Variants in BDP1 observed in about 807,000 individuals in gnomAD.
BDP1 encodes the protein transcription factor TFIIIB component B'' homolog.
In BDP1, 169 loss-of-function variants were observed where a neutral mutation model predicts 266.6. The ratio of observed to expected loss-of-function variants is 0.63; its 90% CI spans 0.56 to 0.72. BDP1 has a LOEUF of 0.72. Among genes scored for constraint, BDP1 ranks in the 30% least tolerant of loss-of-function variants. BDP1 has a pLI of 0.00. For synonymous variants in BDP1, 1,090 were observed against 1,022.4 expected, an observed-to-expected ratio of 1.07 and a Z score of -1.26; for missense variants, 3,015 against 3,053.8, an observed-to-expected ratio of 0.99 and a Z score of 0.30.
At chr5:71,492,074 G>A (rs928232434) in intron 11 of BDP1, among the ~76,000 whole-genome samples, 2 of 152,132 alleles carry the variant, frequency 1.3e-5, no homozygotes, top group Non-Finnish European at 2.9e-5. Flanking sequence ...TGTCCTCAAG[G>A]TTCATCCATG....
chr5:71,474,595 C>T (rs1580006125), intron 7 of BDP1, among the ~76,000 whole-genome samples: 1 of 150,956 alleles, frequency 6.6e-6, no homozygotes, highest in East Asian at 2.0e-4. Context: ...CGCCTGTAAT[C>T]CTAGCACTTT....
Position 71,524,158 on chromosome 5 carries a change from G to T in BDP1, c.5607G>T (p.Arg1869=), listed in dbSNP as rs370542639. ...CCAAGGCCATGCTGGTGACTCTTCGGGCTTCCCAGGAAGAAGATGATGATG... is the reference window on the plus strand; with the variant it reads ...CCAAGGCCATGCTGGTGACTCTTCGTGCTTCCCAGGAAGAAGATGATGATG... ...RASKAMLVTL[R]ASQEEDDDAD... Residue 1869 remains arginine (R), a synonymous_variant, in exon 25 of 39, where the codon CGG becomes CGT. Coordinates refer to ENST00000358731, the MANE Select transcript of BDP1 (RefSeq NM_018429.3). 1 of 1,614,118 alleles carries T rather than the reference G, an allele frequency of 6.2e-7. No homozygotes were observed. The highest frequency in any genetic ancestry group is 1.1e-5 in the South Asian group (1 of 91,068).
intron 7 of BDP1, among the ~76,000 whole-genome samples, chr5:71,481,360 G>T (rs951243309): frequency 6.4e-5 from 8 of 125,662 alleles, no homozygotes; most frequent in African/African-American, 2.4e-4. Flanking sequence ...AACCCAGACT[G>T]AGCAACATGG....
intron 38 of BDP1, 126 bp downstream of exon 38, chr5:71,562,646 C>A: frequency 6.8e-7 from 1 of 1,476,104 alleles, no homozygotes; most frequent in Middle Eastern, 1.8e-4. Flanking sequence ...CAACTCCCAT[C>A]CTTCTCTCCA....
intron 14 of BDP1, 125 bp from the exon 15 acceptor site, chr5:71,502,474 G>A (rs962456218): frequency 1.6e-5 from 14 of 893,886 alleles, no homozygotes; most frequent in African/African-American, 6.8e-5. Flanking sequence ...GCGCCCGGGC[G>A]GATTATGTCT....
chr5:71,541,365 G>A (rs565591038), intron 28 of BDP1, 89 bp from the exon 29 acceptor site: 7 of 589,440 alleles, frequency 1.2e-5, no homozygotes, highest in African/African-American at 5.7e-5. Context: ...TAATAATACA[G>A]AATTTTACAA....
chr5:71,515,993 C>A (rs1256462805), intron 20 of BDP1, 68 bp from the exon 21 acceptor site: 1 of 1,145,482 alleles, frequency 8.7e-7, no homozygotes, highest in Non-Finnish European at 1.2e-6. Context: ...CCAAATTTTA[C>A]ATTTTTACAT....
At position 71,505,761 on chromosome 5, in the gene BDP1, T is replaced by G. The variant is rs562526216; in HGVS notation, c.2372+1010T>G. Among the ~76,000 whole-genome samples, 304 of 152,236 alleles carry G rather than the reference T, an allele frequency of 2.0e-3. 2 individuals carry two copies. Among genetic ancestry groups the G allele is most frequent in the African/African-American group, 7.1e-3 (294 of 41,530 alleles). ...ATGCCTATCTAGCTACATGGAAGGC[T>G]GAAGGAAGAGGATTGCTTGAGCCCA... On this transcript the variant is annotated intron_variant, in intron 16 of 38. Coordinates refer to ENST00000358731, the MANE Select transcript of BDP1 (RefSeq NM_018429.3).
chr5:71,465,356 G>A (rs1032671343), intron 4 of BDP1, among the ~76,000 whole-genome samples: 6 of 151,914 alleles, frequency 3.9e-5, no homozygotes, highest in South Asian at 2.1e-4. Context: ...TAAACTCTTG[G>A]CCTCAAGAGA....
At chr5:71,461,549 G>T (rs1167518188) in intron 2 of BDP1, among the ~76,000 whole-genome samples, 1 of 152,086 alleles carries the variant, frequency 6.6e-6, no homozygotes, top group Non-Finnish European at 1.5e-5. Flanking sequence ...AGGAGTTCAA[G>T]GCTGCAGTGA....
intron 7 of BDP1, among the ~76,000 whole-genome samples, chr5:71,478,571 C>T (rs1292227526): frequency 1.3e-5 from 2 of 151,600 alleles, no homozygotes; most frequent in African/African-American, 4.8e-5. Context: ...CGTCTCCTGG[C>T]TTTCAGTGTT....
intron 11 of BDP1, 31 bp from the exon 12 acceptor site, chr5:71,495,219 T>G: frequency 2.1e-6 from 3 of 1,402,310 alleles, no homozygotes; most frequent in South Asian, 1.5e-5. Flanking sequence ...TTAGGAATTC[T>G]TTTCTCTCTG....
intron 13 of BDP1, among the ~76,000 whole-genome samples, chr5:71,500,264 C>A (rs1031478005): frequency 7.2e-6 from 1 of 139,754 alleles, no homozygotes; most frequent in Admixed American, 7.0e-5. Context: ...ACAAAAATTA[C>A]TTGTAATTTT....
In BDP1 at chr5:71,553,239, G is replaced by A. The variant is rs1198142209; in HGVS notation, c.7119G>A (p.Arg2373=). Residue 2373 remains arginine, a synonymous_variant, in exon 35 of 39, where the codon AGG becomes AGA. Transcript: ENST00000358731. ...TATCTAGGAAGAGATTTCAATGCAG[G>A]CTTGATAAAAATGACCACATTCCTC... ...DLVSRKRFQC[R]LDKNDHIPPA... The A allele has an allele frequency of 1.7e-5, 27 of 1,613,188 alleles. No homozygotes were observed. Among genetic ancestry groups the A allele is most frequent in the Non-Finnish European group, 2.2e-5 (26 of 1,179,942 alleles).
Position 71,545,170 on chromosome 5 carries a change from A to AT in BDP1, c.6695_6696insT (p.Gln2232HisfsTer6). 3 of 1,613,974 alleles carry AT rather than the reference A, an allele frequency of 1.9e-6. No homozygotes were observed. The highest frequency in any genetic ancestry group is 2.5e-6 in the Non-Finnish European group (3 of 1,179,976). On this transcript the variant is annotated frameshift_variant, in exon 32 of 39. Transcript: ENST00000358731. LOFTEE classifies it high-confidence loss of function. ...GGTGAAAATTCTGTTGAAGAGCCCC[A>AT]GATAAAGGACTCTAAAGGAGACAGT...
chr5:71,473,223 T>C (rs1281341241), intron 7 of BDP1, among the ~76,000 whole-genome samples: 1 of 150,988 alleles, frequency 6.6e-6, no homozygotes, highest in Non-Finnish European at 1.5e-5. Flanking sequence ...TGTTTATTAA[T>C]CTAAACATCT....
intron 33 of BDP1, 141 bp from the exon 34 acceptor site, chr5:71,549,279 G>T: frequency 2.8e-6 from 2 of 703,356 alleles, no homozygotes; most frequent in South Asian, 4.3e-5. Context: ...TCAGGCTGGG[G>T]GGTTGTTGGG....
At chr5:71,502,210 G>A (rs1764289852) in intron 14 of BDP1, among the ~76,000 whole-genome samples, 1 of 136,372 alleles carries the variant, frequency 7.3e-6, no homozygotes, top group Non-Finnish European at 1.5e-5. Flanking sequence ...TTTTTGAGAT[G>A]GAATCTCGCT....
intron 32 of BDP1, 115 bp downstream of exon 32, chr5:71,545,334 T>G (rs1410104838): frequency 9.7e-7 from 1 of 1,035,764 alleles, no homozygotes; most frequent in Non-Finnish European, 1.4e-6. Flanking sequence ...TTTTTCTTTA[T>G]TTCTTCTTTT....
Sources: gnomAD v4.1 joint callset for allele counts (sites outside exome capture counted in the v4.1 genomes callset) on GRCh38, gnomAD v4.1.1 for gene constraint, MANE v1.5 for transcripts, NCBI Gene and HGNC (gene_info 2026-07-23, HGNC 2026-07-21) for gene names.